The following LTBP1 variants were observed in gnomAD, a reference collection of about 807,000 sequenced individuals.
The protein encoded by LTBP1 is latent-transforming growth factor beta-binding protein 1.
Under a neutral mutation model 207.6 loss-of-function variants are expected in LTBP1, and 129 were observed. That is an observed-to-expected ratio of 0.62 (90% CI 0.54 to 0.72). The LOEUF (loss-of-function observed/expected upper bound fraction) is 0.72. Ranked by LOEUF, LTBP1 falls within the 30% of genes least tolerant of loss-of-function variation. The pLI is 0.00. For synonymous variants in LTBP1, 963 were observed against 833.7 expected, an observed-to-expected ratio of 1.16 and a Z score of -2.67; for missense variants, 2,281 against 2,217.2, an observed-to-expected ratio of 1.03 and a Z score of -0.58.
intron 2 of LTBP1, among the ~76,000 whole-genome samples, chr2:32,958,308 A>T (rs1473475899): frequency 6.6e-6 from 1 of 152,198 alleles, no homozygotes; most frequent in African/African-American, 2.4e-5. Context: ...GCCCCTGCAC[A>T]GTAATTGACA....
At chr2:32,959,493 A>G (rs1163607266) in intron 2 of LTBP1, among the ~76,000 whole-genome samples, 1 of 150,430 alleles carries the variant, frequency 6.6e-6, no homozygotes, top group Non-Finnish European at 1.5e-5. Context: ...TTACCAGACA[A>G]TTCCAATGTG....
chr2:33,317,405 C>T (rs2094289097), intron 24 of LTBP1, among the ~76,000 whole-genome samples: 1 of 152,212 alleles, frequency 6.6e-6, no homozygotes, highest in Non-Finnish European at 1.5e-5. Flanking sequence ...TATTCTCTTT[C>T]TGGAGTAAGT....
chr2:33,335,775 G>A (rs371999800), intron 24 of LTBP1, among the ~76,000 whole-genome samples: 14 of 152,082 alleles, frequency 9.2e-5, no homozygotes, highest in East Asian at 5.8e-4. Flanking sequence ...TCTCCTAGCC[G>A]GCTTCCATTC....
chr2:32,948,978 G>A (rs373808176), intron 2 of LTBP1, 33 bp downstream of exon 2: 25 of 1,608,690 alleles, frequency 1.6e-5, no homozygotes, highest in Admixed American at 3.3e-5. Context: ...GCCCTGCACA[G>A]TAGGCAAAGT....
chr2:33,091,155 C>T (rs1324937265), intron 3 of LTBP1, among the ~76,000 whole-genome samples: 3 of 152,000 alleles, frequency 2.0e-5, no homozygotes, highest in Non-Finnish European at 4.4e-5. Flanking sequence ...TGTGTGTCTA[C>T]GTGTGTGTAT....
intron 31 of LTBP1, among the ~76,000 whole-genome samples, chr2:33,377,585 A>G (rs973514238): frequency 6.6e-6 from 1 of 152,260 alleles, no homozygotes; most frequent in Non-Finnish European, 1.5e-5. Flanking sequence ...TTATGATAAT[A>G]ATCTTACTGA....
At chr2:33,382,213 G>T (rs1225948611) in intron 31 of LTBP1, among the ~76,000 whole-genome samples, 3 of 146,540 alleles carry the variant, frequency 2.0e-5, no homozygotes, top group African/African-American at 7.5e-5. Flanking sequence ...TCCTGTCTCA[G>T]CCTCCCAGGT....
At chr2:33,074,702 C>T (rs569765704) in intron 3 of LTBP1, among the ~76,000 whole-genome samples, 51 of 152,250 alleles carry the variant, frequency 3.3e-4, no homozygotes, top group Non-Finnish European at 5.9e-4. Flanking sequence ...AACCCCGTCT[C>T]TACTAAAAAT....
chr2:33,203,627 A>G (rs1376870458), intron 7 of LTBP1, among the ~76,000 whole-genome samples: 3 of 151,780 alleles, frequency 2.0e-5, no homozygotes, highest in African/African-American at 7.3e-5. Context: ...CTCCTCTCAG[A>G]TTTTTTTTCA....
chr2:33,391,681 G>A (rs1426271728), intron 32 of LTBP1, among the ~76,000 whole-genome samples: 1 of 152,160 alleles, frequency 6.6e-6, no homozygotes, highest in Non-Finnish European at 1.5e-5. Context: ...GGCACTGATG[G>A]GTCCTGAGAG....
chr2:33,379,269 G>A (rs565578848), intron 31 of LTBP1, among the ~76,000 whole-genome samples: 50 of 148,220 alleles, frequency 3.4e-4, no homozygotes, highest in African/African-American at 1.2e-3. Context: ...GAGTGCAGTG[G>A]TGCAATCTTG....
intron 2 of LTBP1, among the ~76,000 whole-genome samples, chr2:32,971,974 A>C (rs1383855621): frequency 2.0e-5 from 3 of 152,124 alleles, no homozygotes; most frequent in Non-Finnish European, 2.9e-5. Flanking sequence ...ATTGAATTTC[A>C]GAACTCGTTT....
intron 2 of LTBP1, among the ~76,000 whole-genome samples, chr2:32,962,359 A>G (rs921024876): frequency 6.6e-6 from 1 of 152,256 alleles, no homozygotes; most frequent in African/African-American, 2.4e-5. Flanking sequence ...GGTTATGTTA[A>G]GTTAGTCCAA....
At chr2:33,069,009 A>G (rs1257961139) in intron 3 of LTBP1, among the ~76,000 whole-genome samples, 1 of 152,236 alleles carries the variant, frequency 6.6e-6, no homozygotes, top group African/African-American at 2.4e-5. Flanking sequence ...AATAAATGTC[A>G]GTTTCAAAAA....
intron 19 of LTBP1, chr2:33,285,944 A>T (rs761437207): frequency 1.3e-5 from 2 of 152,072 alleles, no homozygotes; most frequent in Admixed American, 6.5e-5. Context: ...GGGAGCCATG[A>T]TACTTCTCTG....
Position 33,370,678 on chromosome 2 carries a change from C to T in LTBP1, c.4711+5175C>T, listed in dbSNP as rs139722815. On this transcript the variant is annotated intron_variant, in intron 31 of 33. Coordinates refer to ENST00000404816, the MANE Select transcript of LTBP1 (RefSeq NM_206943.4). The stretch of plus-strand genomic sequence containing the variant: ...TTGAACCTTTTAAATATACTGTTCC[C>T]GGATATCTTAATCGTTGAGAAGGAC... 2.4e-3 allele frequency among the ~76,000 whole-genome samples: 365 copies of T among 152,280 alleles called. 1 individual carries two copies. Among genetic ancestry groups the T allele is most frequent in the Middle Eastern group, 0.01 (3 of 294 alleles).
chr2:33,222,261 A>G, intron 9 of LTBP1, 110 bp downstream of exon 9: 1 of 752,836 alleles, frequency 1.3e-6, no homozygotes, highest in Admixed American at 1.8e-5. Context: ...ACAGTGAACC[A>G]CCTCATGTTC....
At chr2:33,302,293 A>G (rs570661521) in intron 22 of LTBP1, among the ~76,000 whole-genome samples, 1 of 152,158 alleles carries the variant, frequency 6.6e-6, no homozygotes. Context: ...GCTTTTTCCC[A>G]GCCCACCTGA....
intron 2 of LTBP1, among the ~76,000 whole-genome samples, chr2:33,014,597 T>C (rs1380331018): frequency 6.6e-6 from 1 of 152,092 alleles, no homozygotes; most frequent in African/African-American, 2.4e-5. Context: ...GGGCAGAGAG[T>C]CACACTGTTT....
Sources: gnomAD v4.1 joint callset for allele counts (sites outside exome capture counted in the v4.1 genomes callset) on GRCh38, gnomAD v4.1.1 for gene constraint, MANE v1.5 for transcripts, NCBI Gene and HGNC (gene_info 2026-07-23, HGNC 2026-07-21) for gene names.